MAML3: variants seen among roughly 807,000 people sequenced by gnomAD.
The protein encoded by MAML3 is mastermind like transcriptional coactivator 3.
A neutral mutation model predicts 101.9 loss-of-function variants in MAML3; 27 were observed. That is an observed-to-expected ratio of 0.27 (90% CI 0.20 to 0.37). MAML3 has a LOEUF of 0.37. Ranked by LOEUF, MAML3 falls within the 10% of genes least tolerant of loss-of-function variation. MAML3 has a pLI of 1.00. For synonymous variants in MAML3, 501 were observed against 555.9 expected, an observed-to-expected ratio of 0.90 and a Z score of 1.39; for missense variants, 1,316 against 1,444.9, an observed-to-expected ratio of 0.91 and a Z score of 1.45.
At chr4:140,060,799 T>C (rs969485480) in intron 1 of MAML3, among the ~76,000 whole-genome samples, 14 of 152,268 alleles carry the variant, frequency 9.2e-5, no homozygotes, top group African/African-American at 3.1e-4. Context: ...CATATAAAAG[T>C]AAAATGTTTG....
At chr4:140,110,275 GC>G (rs1728419717) in intron 1 of MAML3, among the ~76,000 whole-genome samples, 2 of 152,220 alleles carry the variant, frequency 1.3e-5, no homozygotes, top group Admixed American at 1.3e-4. Flanking sequence ...GGGGCAATGA[GC>G]CCCCTACGAC....
chr4:139,816,927 TG>T (rs1578614930), intron 2 of MAML3, among the ~76,000 whole-genome samples: 3 of 152,292 alleles, frequency 2.0e-5, no homozygotes, highest in Admixed American at 2.0e-4. Context: ...CATTCCTAAA[TG>T]CTAACTTTAT....
chr4:140,153,097 G>A lies in MAML3; in HGVS notation c.231C>T (p.Leu77=), dbSNP rs1729205980. Residue 77 remains leucine (L), a synonymous_variant, in exon 1 of 5, where the codon CTC becomes CTT. Transcript: ENST00000509479. ...VPKHSTVVER[L]RQRIEGCRRH... ...GACGGCAGCCCTCGATGCGCTGGCG[G>A]AGCCGCTCCACCACGGTGCTGTGCT... is the stretch of plus-strand genomic sequence containing the variant. 1 of 1,552,884 alleles carries A rather than the reference G, an allele frequency of 6.4e-7. No individual in the cohort carries two copies. The highest frequency in any genetic ancestry group is 2.0e-5 in the Admixed American group (1 of 51,190).
At chr4:140,075,773 C>T (rs928195835) in intron 1 of MAML3, among the ~76,000 whole-genome samples, 40 of 147,160 alleles carry the variant, frequency 2.7e-4, no homozygotes, top group African/African-American at 9.7e-4. Flanking sequence ...GGGGTGGGGG[C>T]GGAGGGGGAC....
intron 1 of MAML3, among the ~76,000 whole-genome samples, chr4:140,067,726 C>CTTTTT (rs34853196): frequency 6.8e-5 from 9 of 131,388 alleles, no homozygotes; most frequent in South Asian, 2.5e-4. Flanking sequence ...CAATCTTAAT[C>CTTTTT]TTTTTTTTTT....
In MAML3 at chr4:139,979,451, CAT is replaced by C. The variant is rs534012785; in HGVS notation, c.469-88486_469-88485del. Among the ~76,000 whole-genome samples, 26 of 152,338 alleles carry C rather than the reference CAT, an allele frequency of 1.7e-4. No individual in the cohort carries two copies. In the South Asian group the frequency reaches 5.0e-3, roughly 29 times the overall value. ...TGCTGAGCTCCTTCTATACTGTCCA[CAT>C]GTGTTCTCTAGTTGCTGCTTTAGCT... On this transcript the variant is annotated intron_variant, in intron 1 of 4. Transcript: ENST00000509479.
chr4:139,724,892 G>A (rs1728402309), intron 4 of MAML3, among the ~76,000 whole-genome samples: 1 of 150,996 alleles, frequency 6.6e-6, no homozygotes. Context: ...CTAAGTAACT[G>A]AGATTACAGG....
intron 1 of MAML3, among the ~76,000 whole-genome samples, chr4:139,988,480 G>T (rs1054910265): frequency 7.2e-5 from 11 of 152,006 alleles, no homozygotes; most frequent in African/African-American, 2.7e-4. Context: ...TGTATTTTTT[G>T]CTGGGTTTTA....
intron 2 of MAML3, among the ~76,000 whole-genome samples, chr4:139,806,010 C>A (rs561195680): frequency 6.6e-6 from 1 of 152,104 alleles, no homozygotes; most frequent in Non-Finnish European, 1.5e-5. Context: ...TGCAACTATA[C>A]CAAAATACAT....
chr4:139,751,552 G>A (rs972923256), intron 2 of MAML3, among the ~76,000 whole-genome samples: 4 of 152,196 alleles, frequency 2.6e-5, no homozygotes, highest in Non-Finnish European at 5.9e-5. Flanking sequence ...TCATGTCAGC[G>A]CTCAAAAAAT....
intron 2 of MAML3, among the ~76,000 whole-genome samples, chr4:139,808,281 A>AGCCCCCCACCAACATCACTGGTGGC (rs1370349205): frequency 1.3e-5 from 2 of 152,176 alleles, no homozygotes; most frequent in Non-Finnish European, 2.9e-5. Flanking sequence ...TGCCTGGGGG[A>AGCCCCCCACCAACATCACTGGTGGC]GCCCCCCACC....
At chr4:140,002,022 A>G (rs1037677871) in intron 1 of MAML3, among the ~76,000 whole-genome samples, 2 of 149,718 alleles carry the variant, frequency 1.3e-5, no homozygotes, top group African/African-American at 4.9e-5. Context: ...GAGCTAATTA[A>G]CATATGCATT....
chr4:139,936,444 T>C (rs531511810), intron 1 of MAML3, among the ~76,000 whole-genome samples: 51 of 152,342 alleles, frequency 3.3e-4, no homozygotes, highest in Non-Finnish European at 1.2e-4. Flanking sequence ...GTAGTTCTCT[T>C]TTTAATGTTT....
chr4:139,820,456 C>T (rs1310578133), intron 2 of MAML3, among the ~76,000 whole-genome samples: 1 of 152,048 alleles, frequency 6.6e-6, no homozygotes. Flanking sequence ...TAGGTTGTTT[C>T]CTAAAATCTT....
Position 139,890,971 on chromosome 4 carries a change from G to C in MAML3, c.469-4C>G, listed in dbSNP as rs1192060605. 6.2e-7 allele frequency: 1 copy of C among 1,606,974 alleles called. No homozygotes were observed. The highest frequency in any genetic ancestry group is 8.5e-7 in the Non-Finnish European group (1 of 1,175,398). On this transcript the variant is annotated splice_region_variant and splice_polypyrimidine_tract_variant and intron_variant, in intron 1 of 4. Transcript: ENST00000509479. The surrounding 1 kb of genome is among the most constrained non-coding windows in gnomAD (Gnocchi z 4.1). ...TCCTTTTCACAGTCTCTTGTAGCTG[G>C]AAAAGAAACAGGAAAGAGGATGACT... is the stretch of plus-strand genomic sequence containing the variant.
At chr4:140,055,131 A>T (rs1268296927) in intron 1 of MAML3, among the ~76,000 whole-genome samples, 2 of 152,130 alleles carry the variant, frequency 1.3e-5, no homozygotes, top group Non-Finnish European at 2.9e-5. Flanking sequence ...CTCACTCAAG[A>T]ATCTCTTATT....
rs556082701 is a variant in MAML3 at position 139,741,286 on chromosome 4, G to A, written c.2080-10619C>T. On this transcript the variant is annotated intron_variant, in intron 2 of 4. Coordinates refer to ENST00000509479, the MANE Select transcript of MAML3 (RefSeq NM_018717.5). ...AGTCTAGGAGAAGGGCTCATACCTG[G>A]TCCGTGAGGGCCTATGGGGGATCAG... Among the ~76,000 whole-genome samples, 17 of 152,284 alleles carry A rather than the reference G, an allele frequency of 1.1e-4. No individual in the cohort carries two copies. In the South Asian group the frequency reaches 2.5e-3, roughly 22 times the overall value.
intron 1 of MAML3, among the ~76,000 whole-genome samples, chr4:140,087,523 T>C (rs1022328244): frequency 5.3e-5 from 8 of 152,272 alleles, no homozygotes; most frequent in African/African-American, 1.9e-4. Flanking sequence ...TTAATTATTG[T>C]GAAATTCTTT....
chr4:140,120,984 T>C (rs992213218), intron 1 of MAML3, among the ~76,000 whole-genome samples: 4 of 152,250 alleles, frequency 2.6e-5, no homozygotes, highest in African/African-American at 9.6e-5. Flanking sequence ...AGGGACAGAC[T>C]TAACTTTAAG....
Sources: gnomAD v4.1 joint callset for allele counts (sites outside exome capture counted in the v4.1 genomes callset) on GRCh38, gnomAD v4.1.1 for gene constraint, Gnocchi (gnomAD v3.1) non-coding constraint, MANE v1.5 for transcripts, NCBI Gene and HGNC (gene_info 2026-07-23, HGNC 2026-07-21) for gene names.